The following PLPPR4 variants were observed in gnomAD, a reference collection of about 807,000 sequenced individuals.
PLPPR4 encodes the protein phospholipid phosphatase related 4, also known as phospholipid phosphatase-related protein type 4.
PLPPR4 carries 24 observed loss-of-function variants against 56.6 expected under a neutral mutation model. The observed-to-expected ratio is 0.42, with a 90% CI of 0.31 to 0.60. The LOEUF (loss-of-function observed/expected upper bound fraction) is 0.60. Among genes scored for constraint, PLPPR4 ranks in the 20% least tolerant of loss-of-function variants. The probability of loss-of-function intolerance (pLI) is 0.13; values close to 1 mark genes in which losing one functional copy is unlikely to be tolerated. For synonymous variants in PLPPR4, 326 were observed against 328.1 expected (o/e 0.99, Z 0.07); for missense variants, 654 against 885.8 (o/e 0.74, Z 3.32).
At position 99,308,562 on chromosome 1, in the gene PLPPR4, G is replaced by A. The variant is rs980580874; in HGVS notation, c.*1552G>A. 6 of 152,520 alleles carry A rather than the reference G, an allele frequency of 3.9e-5. No homozygotes were observed. The highest frequency in any genetic ancestry group is 1.4e-4 in the African/African-American group (6 of 41,404). 9.4% of individuals were successfully genotyped at this position (152,520 alleles called of 1,614,324 possible). On this transcript the variant is annotated 3_prime_UTR_variant, in exon 7 of 7. Transcript: ENST00000370185. ...GATATATACTTGATGATTGCCAAGGGGATGAAAGGAAACAACAGAGATGGT... is the reference window on the plus strand; with the variant it reads ...GATATATACTTGATGATTGCCAAGGAGATGAAAGGAAACAACAGAGATGGT...
rs74490844 is a variant in PLPPR4 at position 99,264,538 on chromosome 1, G to C, written c.-56G>C. ...GGGCTGGAGGAGGCAGCTCGCCTCA[G>C]CTGCGCTGTGCACACCTCGCCCGGG... On this transcript the variant is annotated 5_prime_UTR_variant, in exon 1 of 7. Coordinates refer to ENST00000370185, the MANE Select transcript of PLPPR4 (RefSeq NM_014839.5). The C allele has an allele frequency of 5.1e-5, 79 of 1,551,638 alleles. No individual in the cohort carries two copies. In the East Asian group the frequency reaches 1.9e-3, roughly 37 times the overall value.
At chr1:99,275,789 T>C (rs1659170313) in intron 1 of PLPPR4, among the ~76,000 whole-genome samples, 1 of 152,096 alleles carries the variant, frequency 6.6e-6, no homozygotes, top group Non-Finnish European at 1.5e-5. Context: ...ACAAAAAACT[T>C]TAAGAACTGC....
Position 99,306,016 on chromosome 1 carries a change from C to G in PLPPR4, c.1154C>G (p.Ala385Gly), listed in dbSNP as rs765976131. The G allele has an allele frequency of 7.4e-6, 12 of 1,614,138 alleles. No homozygotes were observed. Among genetic ancestry groups the G allele is most frequent in the Non-Finnish European group, 1.0e-5 (12 of 1,180,012 alleles). The change falls in exon 7 of 7, where the codon GCG becomes GGG. Residue 385 changes from alanine to glycine, a missense_variant. Around this residue, in one of 2 missense-constraint regions of PLPPR4, gnomAD observed 468 missense variants for 554.3 expected, o/e 0.84. Transcript: ENST00000370185. The surrounding 1 kb of genome is among the most constrained non-coding windows in gnomAD (Gnocchi z 4.0). ...PSVEDPVRRN[A>G]SIHASMDSAR... ...GTAGAAGACCCTGTCAGAAGAAATG[C>G]GAGCATTCATGCCTCTATGGATTCC...
chr1:99,275,548 T>C (rs1474775490), intron 1 of PLPPR4, among the ~76,000 whole-genome samples: 1 of 152,192 alleles, frequency 6.6e-6, no homozygotes, highest in East Asian at 1.9e-4. Context: ...TCAATAAATC[T>C]AGCAGCTTAA....
At chr1:99,295,764 C>T (rs1232069282) in intron 2 of PLPPR4, among the ~76,000 whole-genome samples, 1 of 152,144 alleles carries the variant, frequency 6.6e-6, no homozygotes. Context: ...GCCAAAAATG[C>T]AATTCTCACC....
chr1:99,300,300 GC>G (rs545796283), intron 4 of PLPPR4, among the ~76,000 whole-genome samples: 51 of 151,358 alleles, frequency 3.4e-4, no homozygotes, highest in Non-Finnish European at 5.6e-4. Flanking sequence ...CACTATCTTT[GC>G]CTGCTCTTTA....
chr1:99,292,343 A>G (rs1374098325), intron 2 of PLPPR4, among the ~76,000 whole-genome samples: 3 of 152,182 alleles, frequency 2.0e-5, no homozygotes, highest in Non-Finnish European at 4.4e-5. Context: ...TCGTCCTATA[A>G]TAAATTCTCA....
chr1:99,306,438 C>T lies in PLPPR4; in HGVS notation c.1576C>T (p.Pro526Ser), dbSNP rs752086368. 5.6e-6 allele frequency: 9 copies of T among 1,614,060 alleles called. No homozygotes were observed. Among genetic ancestry groups the T allele is most frequent in the African/African-American group, 1.3e-5 (1 of 74,918 alleles). Reference protein sequence around the residue: ...TVACNRSNSQPRIMQVIAMSK... With the variant: ...TVACNRSNSQSRIMQVIAMSK... Reference sequence around the variant, plus strand: ...GGCCTGTAACAGAAGCAACAGCCAGCCCCGAATCATGCAAGTCATAGCCAT... The same window carrying T: ...GGCCTGTAACAGAAGCAACAGCCAGTCCCGAATCATGCAAGTCATAGCCAT... Residue 526 changes from proline (P) to serine (S), a missense_variant, in exon 7 of 7, where the codon CCC becomes TCC. By Grantham distance (74) the Pro-to-Ser change is moderately conservative. Coordinates refer to ENST00000370185, the MANE Select transcript of PLPPR4 (RefSeq NM_014839.5). This position sits in a 1 kb window ranked among gnomAD's most constrained non-coding sequence, Gnocchi z 4.0.
At position 99,307,309 on chromosome 1, in the gene PLPPR4, T is replaced by C. The variant is rs931832940; in HGVS notation, c.*299T>C. The C allele has an allele frequency of 3.1e-6, 1 of 318,582 alleles. No homozygotes were observed. Among genetic ancestry groups the C allele is most frequent in the East Asian group, 5.6e-5 (1 of 17,848 alleles). 19.7% of individuals were successfully genotyped at this position (318,582 alleles called of 1,614,324 possible). ...AAAAGAAAGTGGTTTTCTTCAAATG[T>C]ATACTATTTTACTTCCTGAATGTGC... On this transcript the variant is annotated 3_prime_UTR_variant, in exon 7 of 7. Coordinates refer to ENST00000370185, the MANE Select transcript of PLPPR4 (RefSeq NM_014839.5).
chr1:99,291,420 A>G (rs1225737106), intron 2 of PLPPR4, among the ~76,000 whole-genome samples: 1 of 152,260 alleles, frequency 6.6e-6, no homozygotes, highest in Non-Finnish European at 1.5e-5. Context: ...CAATCCCATT[A>G]CTGGGTATAT....
rs1443444318 is a variant in PLPPR4 at position 99,306,903 on chromosome 1, C to A, written c.2041C>A (p.Arg681=). The A allele has an allele frequency of 1.5e-5, 25 of 1,613,998 alleles. No homozygotes were observed. Among genetic ancestry groups the A allele is most frequent in the Non-Finnish European group, 2.0e-5 (24 of 1,180,022 alleles). The change falls in exon 7 of 7, where the codon CGG becomes AGG. Residue 681 remains arginine (R), a synonymous_variant. Transcript: ENST00000370185. This position sits in a 1 kb window ranked among gnomAD's most constrained non-coding sequence, Gnocchi z 4.0. ...SISSSRDSTL[R]RKGNIILIPE... Reference sequence around the variant, plus strand: ...TTCTTCTTCCCGCGACTCCACCCTGCGGAGAAAGGGCAATATCATTCTAAT... The same window carrying A: ...TTCTTCTTCCCGCGACTCCACCCTGAGGAGAAAGGGCAATATCATTCTAAT...
At chr1:99,292,251 C>T (rs1659641777) in intron 2 of PLPPR4, among the ~76,000 whole-genome samples, 1 of 152,164 alleles carries the variant, frequency 6.6e-6, no homozygotes, top group South Asian at 2.1e-4. Context: ...TTTCATGTTG[C>T]TTCCTTTGCT....
intron 2 of PLPPR4, among the ~76,000 whole-genome samples, chr1:99,295,404 ATAAATGTTAAGC>A (rs1313333245): frequency 6.6e-6 from 1 of 152,198 alleles, no homozygotes; most frequent in Admixed American, 6.5e-5. Flanking sequence ...ACTTCATAAA[ATAAATGTTAAGC>A]TAGTAATGAC....
chr1:99,304,988 A>T (rs527828005), intron 6 of PLPPR4, among the ~76,000 whole-genome samples: 1 of 152,334 alleles, frequency 6.6e-6, no homozygotes, highest in South Asian at 2.1e-4. Context: ...TGAAGACAAA[A>T]TTAAATAAAA....
At chr1:99,287,250 G>T (rs1023628639) in intron 1 of PLPPR4, among the ~76,000 whole-genome samples, 14 of 122,492 alleles carry the variant, frequency 1.1e-4, no homozygotes, top group Non-Finnish European at 2.0e-4. Flanking sequence ...GTATTCCATG[G>T]TGTATATATA....
intron 2 of PLPPR4, among the ~76,000 whole-genome samples, chr1:99,290,764 CT>C (rs1380442149): frequency 6.6e-6 from 1 of 152,054 alleles, no homozygotes; most frequent in African/African-American, 2.4e-5. Context: ...AACTGGACCC[CT>C]TCCTTACACC....
At chr1:99,273,488 G>T (rs1182400844) in intron 1 of PLPPR4, among the ~76,000 whole-genome samples, 1 of 152,046 alleles carries the variant, frequency 6.6e-6, no homozygotes, top group Non-Finnish European at 1.5e-5. Flanking sequence ...CTATGGGTTT[G>T]CTTAGAGGTA....
chr1:99,293,066 G>T (rs7548815), intron 2 of PLPPR4, among the ~76,000 whole-genome samples: 4 of 152,218 alleles, frequency 2.6e-5, no homozygotes, highest in South Asian at 2.1e-4. Flanking sequence ...AGAACTCTCC[G>T]TTTGGGAATG....
chr1:99,291,704 A>G (rs1446404697), intron 2 of PLPPR4, among the ~76,000 whole-genome samples: 4 of 152,202 alleles, frequency 2.6e-5, no homozygotes, highest in Admixed American at 2.0e-4. Context: ...GTTCTCATTC[A>G]TAACTGGGAG....
Sources: gnomAD v4.1 joint callset for allele counts (sites outside exome capture counted in the v4.1 genomes callset) on GRCh38, gnomAD v4.1.1 for gene constraint, gnomAD v4.1.1 regional missense constraint, Gnocchi (gnomAD v3.1) non-coding constraint, MANE v1.5 for transcripts, NCBI Gene and HGNC (gene_info 2026-07-23, HGNC 2026-07-21) for gene names.